The following LRRC7 variants were observed in gnomAD, a reference collection of about 807,000 sequenced individuals.
LRRC7 encodes the protein leucine-rich repeat-containing protein 7.
LRRC7 carries 23 observed loss-of-function variants against 175.7 expected under a neutral mutation model. The observed-to-expected ratio is 0.13, with a 90% CI of 0.09 to 0.19. The LOEUF is 0.19. Ranked by LOEUF, LRRC7 falls within the 10% of genes least tolerant of loss-of-function variation. The pLI is 1.00. For missense variants in LRRC7, 1,354 were observed against 1,904.7 expected (o/e 0.71, Z 5.38); for synonymous variants, 685 against 680.9 (o/e 1.01, Z -0.09).
intron 2 of LRRC7, among the ~76,000 whole-genome samples, chr1:69,695,826 G>T (rs958126444): frequency 1.3e-5 from 2 of 152,230 alleles, no homozygotes; most frequent in East Asian, 3.9e-4. Flanking sequence ...TCCATGTGGT[G>T]TAAAGTCTGC....
chr1:70,115,135 G>A (rs1163045811), intron 26 of LRRC7, among the ~76,000 whole-genome samples: 1 of 152,160 alleles, frequency 6.6e-6, no homozygotes, highest in Non-Finnish European at 1.5e-5. Flanking sequence ...TATGTATTCA[G>A]GAAGGTAAAG....
chr1:69,743,631 T>C (rs190687189), intron 2 of LRRC7, among the ~76,000 whole-genome samples: 13 of 152,084 alleles, frequency 8.5e-5, no homozygotes, highest in South Asian at 6.2e-4. Flanking sequence ...ATAGAAAATA[T>C]AGAGTAGATG....
chr1:69,870,962 A>G (rs1685472134), intron 7 of LRRC7, among the ~76,000 whole-genome samples: 1 of 152,168 alleles, frequency 6.6e-6, no homozygotes, highest in East Asian at 1.9e-4. Flanking sequence ...TTATATGCCA[A>G]CAATTATATG....
chr1:69,773,874 C>A (rs912849526), intron 3 of LRRC7, among the ~76,000 whole-genome samples: 4 of 152,248 alleles, frequency 2.6e-5, no homozygotes, highest in African/African-American at 9.6e-5. Flanking sequence ...GAAAATAGAG[C>A]TGGGCATGGT....
At position 70,095,750 on chromosome 1, in the gene LRRC7, G is replaced by A. The variant is rs1483555535; in HGVS notation, c.4545+5931G>A. On this transcript the variant is annotated intron_variant, in intron 25 of 26. Transcript: ENST00000651989. Reference sequence around the variant, plus strand: ...AGTAAGGTCACTAAAAAGTATCAGTGTAAAGCTAATGAACAATTAAATAAA... The same window carrying A: ...AGTAAGGTCACTAAAAAGTATCAGTATAAAGCTAATGAACAATTAAATAAA... Among the ~76,000 whole-genome samples the A allele has an allele frequency of 2.6e-5, 4 of 152,238 alleles. No individual in the cohort carries two copies. The East Asian group carries it at 7.7e-4, about 29-fold the overall frequency.
intron 2 of LRRC7, among the ~76,000 whole-genome samples, chr1:69,688,052 T>G (rs1224979602): frequency 2.6e-5 from 4 of 152,218 alleles, no homozygotes; most frequent in Admixed American, 2.6e-4. Flanking sequence ...ACCTCTTCTT[T>G]TGACATTCTG....
intron 2 of LRRC7, among the ~76,000 whole-genome samples, chr1:69,751,006 A>T (rs1393583913): frequency 6.6e-6 from 1 of 152,142 alleles, no homozygotes; most frequent in African/African-American, 2.4e-5. Flanking sequence ...GGAAGATGTA[A>T]CCCAGGAGCA....
intron 22 of LRRC7, among the ~76,000 whole-genome samples, chr1:70,048,700 C>T (rs1660522508): frequency 1.3e-5 from 2 of 152,078 alleles, no homozygotes; most frequent in Admixed American, 1.3e-4. Flanking sequence ...CAATCATGCC[C>T]TGTGTGCTAC....
rs78619682 is a variant in LRRC7 at position 69,940,137 on chromosome 1, G to T, written c.711+8567G>T. ...TCATTCAATTAAAATGAACTTTCTG[G>T]CTGAAACTAATTACAGAGATACTTC... On this transcript the variant is annotated intron_variant, in intron 8 of 26. Transcript: ENST00000651989. Among the ~76,000 whole-genome samples, 728 of 152,198 alleles carry T rather than the reference G, an allele frequency of 4.8e-3. 10 individuals are homozygous for T. Among genetic ancestry groups the T allele is most frequent in the African/African-American group, 0.016 (674 of 41,546 alleles).
chr1:69,649,438 A>G (rs1240187164), intron 1 of LRRC7, among the ~76,000 whole-genome samples: 1 of 152,230 alleles, frequency 6.6e-6, no homozygotes, highest in Non-Finnish European at 1.5e-5. Context: ...GAAGAAAGGA[A>G]GTGAAATCTG....
At chr1:69,842,716 A>C (rs1681866660) in intron 7 of LRRC7, among the ~76,000 whole-genome samples, 1 of 152,130 alleles carries the variant, frequency 6.6e-6, no homozygotes, top group Non-Finnish European at 1.5e-5. Context: ...TGAAGTAATG[A>C]CAGTATCTTT....
intron 1 of LRRC7, among the ~76,000 whole-genome samples, chr1:69,677,344 C>G (rs1430710673): frequency 8.8e-5 from 12 of 136,082 alleles, no homozygotes; most frequent in Non-Finnish European, 1.6e-4. Context: ...AGGTTGATTT[C>G]ATATATTTGC....
intron 8 of LRRC7, among the ~76,000 whole-genome samples, chr1:69,943,282 A>G (rs755185829): frequency 6.6e-6 from 1 of 152,150 alleles, no homozygotes; most frequent in Non-Finnish European, 1.5e-5. Context: ...AAAAAAAATG[A>G]TTAAAGGTCC....
chr1:70,006,912 G>A (rs1038437773), intron 11 of LRRC7, among the ~76,000 whole-genome samples: 8 of 152,168 alleles, frequency 5.3e-5, no homozygotes, highest in African/African-American at 1.9e-4. Context: ...AGGTACAAAA[G>A]GAAAGGTGTG....
intron 7 of LRRC7, among the ~76,000 whole-genome samples, chr1:69,870,914 G>A (rs563248837): frequency 2.1e-4 from 32 of 152,194 alleles, no homozygotes; most frequent in East Asian, 5.8e-4. Context: ...CAAGCATGAC[G>A]TAGCTTGAAC....
intron 7 of LRRC7, among the ~76,000 whole-genome samples, chr1:69,842,387 G>C (rs1396610096): frequency 6.6e-6 from 1 of 152,004 alleles, no homozygotes; most frequent in East Asian, 1.9e-4. Flanking sequence ...GTTTCAACTA[G>C]AGTTAAAATA....
At chr1:70,078,824 GCACACA>G (rs769239262) in intron 24 of LRRC7, among the ~76,000 whole-genome samples, 1 of 130,792 alleles carries the variant, frequency 7.6e-6, no homozygotes, top group Admixed American at 7.4e-5. Context: ...ACACACACAC[GCACACA>G]CACACACACA....
chr1:69,937,789 T>C (rs1648201336), intron 8 of LRRC7, among the ~76,000 whole-genome samples: 2 of 152,010 alleles, frequency 1.3e-5, no homozygotes, highest in Non-Finnish European at 2.9e-5. Flanking sequence ...AATTATTTTA[T>C]ATTTTCTTCT....
chr1:70,060,153 A>T (rs1006122999), intron 23 of LRRC7, among the ~76,000 whole-genome samples: 14 of 152,022 alleles, frequency 9.2e-5, no homozygotes, highest in Non-Finnish European at 1.9e-4. Flanking sequence ...CCCTGTCTCT[A>T]CTTTAAAAAT....
Sources: gnomAD v4.1 joint callset for allele counts (sites outside exome capture counted in the v4.1 genomes callset) on GRCh38, gnomAD v4.1.1 for gene constraint, MANE v1.5 for transcripts, NCBI Gene and HGNC (gene_info 2026-07-23, HGNC 2026-07-21) for gene names.